TENM2: variants seen among roughly 807,000 people sequenced by gnomAD.
TENM2 encodes the protein teneurin transmembrane protein 2.
A neutral mutation model predicts 245.2 loss-of-function variants in TENM2; 52 were observed. The observed-to-expected ratio is 0.21, with a 90% CI of 0.17 to 0.27. TENM2 has a LOEUF of 0.27. Among genes scored for constraint, TENM2 ranks in the 10% least tolerant of loss-of-function variants. The probability of loss-of-function intolerance (pLI) is 1.00; values close to 1 mark genes in which losing one functional copy is unlikely to be tolerated. For synonymous variants in TENM2, 1,363 were observed against 1,438.9 expected (o/e 0.95, Z 1.19); for missense variants, 3,046 against 3,666.8 (o/e 0.83, Z 4.37).
chr5:167,762,471 G>T (rs543632330), intron 2 of TENM2, among the ~76,000 whole-genome samples: 2 of 152,092 alleles, frequency 1.3e-5, no homozygotes, highest in Non-Finnish European at 2.9e-5. Flanking sequence ...CGTTATTTTC[G>T]TCTATTTCTC....
chr5:168,218,496 T>A lies in TENM2; in HGVS notation c.4605T>A (p.Asp1535Glu). The A allele has an allele frequency of 6.2e-7, 1 of 1,614,064 alleles. No individual in the cohort carries two copies. The highest frequency in any genetic ancestry group is 8.5e-7 in the Non-Finnish European group (1 of 1,179,894). Residue 1535 changes from aspartate (D) to glutamate (E), a missense_variant, in exon 23 of 29, where the codon GAT becomes GAA. Asp to Glu is a conservative substitution (Grantham distance 45). Transcript: ENST00000518659. This position sits in a 1 kb window ranked among gnomAD's most constrained non-coding sequence, Gnocchi z 5.2. ...ATTGCAACTGCTATTCAGGAGATGA[T>A]GCCTACGCGACTGATGCCATCTTGA...
At chr5:167,696,527 ATTT>A (rs1298531448) in intron 2 of TENM2, among the ~76,000 whole-genome samples, 12 of 152,304 alleles carry the variant, frequency 7.9e-5, no homozygotes, top group Non-Finnish European at 2.9e-5. Context: ...GAGCTCACTT[ATTT>A]ATCGTTCTCT....
intron 2 of TENM2, among the ~76,000 whole-genome samples, chr5:167,573,364 C>A (rs370948723): frequency 2.0e-5 from 3 of 152,150 alleles, no homozygotes. Flanking sequence ...CTGGGAGATA[C>A]ACGAATGTGT....
chr5:167,569,805 T>C (rs1418450360), intron 2 of TENM2, among the ~76,000 whole-genome samples: 1 of 152,156 alleles, frequency 6.6e-6, no homozygotes, highest in Non-Finnish European at 1.5e-5. Flanking sequence ...ATTTTACAGA[T>C]GGGGAGAGCA....
In TENM2 at chr5:167,301,564, G is replaced by A. The variant is rs373839341; in HGVS notation, c.226+16501G>A. On this transcript the variant is annotated intron_variant, in intron 1 of 28. Coordinates refer to ENST00000518659, the Ensembl canonical transcript of TENM2. Reference sequence around the variant, plus strand: ...GTAAGTCCTGTTGTGGGGTTGGAGGGCTGGAATTTAATTTTTGGAGTTTTA... The same window carrying A: ...GTAAGTCCTGTTGTGGGGTTGGAGGACTGGAATTTAATTTTTGGAGTTTTA... Among the ~76,000 whole-genome samples the A allele has an allele frequency of 2.0e-5, 3 of 152,158 alleles. No individual in the cohort carries two copies. In the East Asian group the frequency reaches 5.8e-4, roughly 29 times the overall value.
intron 12 of TENM2, 33 bp downstream of exon 14, chr5:168,126,999 TC>T (rs1408114255): frequency 6.5e-7 from 1 of 1,546,610 alleles, no homozygotes. Flanking sequence ...AAATTGTAGA[TC>T]TATAGTGATG....
At chr5:168,035,394 G>A (rs1787570169) in intron 5 of TENM2, among the ~76,000 whole-genome samples, 1 of 151,994 alleles carries the variant, frequency 6.6e-6, no homozygotes, top group Non-Finnish European at 1.5e-5. Flanking sequence ...CTACTCGGGA[G>A]GCTGAGGCAT....
At chr5:167,433,983 G>T (rs1366089759) in intron 2 of TENM2, among the ~76,000 whole-genome samples, 1 of 152,040 alleles carries the variant, frequency 6.6e-6, no homozygotes. Context: ...ATTATCTTGT[G>T]TTGAGATCCT....
chr5:167,518,234 G>A (rs1352685624), intron 2 of TENM2, among the ~76,000 whole-genome samples: 5 of 151,878 alleles, frequency 3.3e-5, no homozygotes, highest in African/African-American at 4.8e-5. Context: ...CCTGTACTCA[G>A]CAATGACATT....
chr5:167,375,471 A>G (rs1483370035), exon 2 of TENM2: 7 of 1,551,508 alleles, frequency 4.5e-6, no homozygotes, highest in Non-Finnish European at 6.1e-6. Context: ...GATGATGAGA[A>G]CGGTAGGCCT....
chr5:168,142,869 C>G (rs11960211), intron 12 of TENM2, among the ~76,000 whole-genome samples: 2,041 of 152,298 alleles, frequency 0.013, 41 homozygotes, highest in African/African-American at 0.047. Flanking sequence ...AGTAGATGCT[C>G]AGTAAGTGCT....
chr5:167,233,673 A>G, the TENM2 span, among the ~76,000 whole-genome samples: 2 of 152,194 alleles, frequency 1.3e-5, no homozygotes, highest in Non-Finnish European at 2.9e-5. Context: ...ATATGATAAG[A>G]AAAGCACTTG....
At chr5:167,859,127 A>G (rs1443287790) in intron 2 of TENM2, among the ~76,000 whole-genome samples, 6 of 100,806 alleles carry the variant, frequency 6.0e-5, no homozygotes, top group Non-Finnish European at 8.2e-5. Flanking sequence ...CCGCCGCCCC[A>G]TCTGGGATGT....
At chr5:167,706,518 CA>C (rs1358513946) in intron 2 of TENM2, among the ~76,000 whole-genome samples, 1 of 151,436 alleles carries the variant, frequency 6.6e-6, no homozygotes, top group East Asian at 1.9e-4. Flanking sequence ...AAGTTGCCTC[CA>C]TGTCTTAAAC....
chr5:167,453,589 G>T (rs1003830468), intron 2 of TENM2, among the ~76,000 whole-genome samples: 3 of 152,112 alleles, frequency 2.0e-5, no homozygotes, highest in Non-Finnish European at 4.4e-5. Flanking sequence ...TTTAAGAAAA[G>T]CCATTAAATT....
chr5:167,424,434 A>G (rs1014671088), intron 2 of TENM2, among the ~76,000 whole-genome samples: 1 of 152,272 alleles, frequency 6.6e-6, no homozygotes, highest in Non-Finnish European at 1.5e-5. Context: ...ACCTCAAGAC[A>G]CTCTGGAAGA....
chr5:167,476,008 A>G (rs1767347806), intron 2 of TENM2, among the ~76,000 whole-genome samples: 1 of 152,322 alleles, frequency 6.6e-6, no homozygotes, highest in African/African-American at 2.4e-5. Context: ...TTTTTAAAGT[A>G]TTTAAGTGAG....
intron 2 of TENM2, among the ~76,000 whole-genome samples, chr5:167,389,778 C>T (rs1001272393): frequency 2.6e-5 from 4 of 152,122 alleles, no homozygotes; most frequent in Non-Finnish European, 4.4e-5. Flanking sequence ...AACAGGCACA[C>T]GGAATCCTTG....
the TENM2 span, among the ~76,000 whole-genome samples, chr5:167,030,923 A>G: frequency 6.6e-6 from 1 of 152,200 alleles, no homozygotes; most frequent in Non-Finnish European, 1.5e-5. Context: ...GCCTTCATCC[A>G]GGTCCATGTA....
Sources: allele counts gnomAD v4.1 joint callset (sites outside exome capture counted in the v4.1 genomes callset), GRCh38; gene constraint gnomAD v4.1.1; non-coding constraint Gnocchi (gnomAD v3.1); transcripts MANE v1.5; gene names NCBI Gene and HGNC (gene_info 2026-07-23, HGNC 2026-07-21).